The following SPON1 variants were observed in gnomAD, a reference collection of about 807,000 sequenced individuals.
The protein encoded by SPON1 is spondin 1.
In SPON1, 52 loss-of-function variants were observed where a neutral mutation model predicts 111.7. The ratio of observed to expected loss-of-function variants is 0.47; its 90% CI spans 0.37 to 0.59. The LOEUF (loss-of-function observed/expected upper bound fraction) is 0.59, where lower values mean the gene tolerates loss of function less well. Among genes scored for constraint, SPON1 ranks in the 20% least tolerant of loss-of-function variants. SPON1 has a pLI of 0.00. For synonymous variants in SPON1, 410 were observed against 395.8 expected, an observed-to-expected ratio of 1.04 and a Z score of -0.43; for missense variants, 957 against 1,068.5, an observed-to-expected ratio of 0.90 and a Z score of 1.46.
chr11:14,155,441 T>C (rs540408321), intron 6 of SPON1, among the ~76,000 whole-genome samples: 10 of 152,142 alleles, frequency 6.6e-5, no homozygotes, highest in Non-Finnish European at 1.3e-4. Context: ...ATGTCCTACA[T>C]GGCTGGAGCA....
chr11:14,006,779 G>A (rs1177306313), intron 2 of SPON1, among the ~76,000 whole-genome samples: 1 of 152,098 alleles, frequency 6.6e-6, no homozygotes, highest in African/African-American at 2.4e-5. Flanking sequence ...TCTCTTCTTT[G>A]TGCTTACACC....
chr11:14,173,898 C>A (rs1284319546), intron 6 of SPON1, among the ~76,000 whole-genome samples: 1 of 137,872 alleles, frequency 7.3e-6, no homozygotes, highest in African/African-American at 2.8e-5. Flanking sequence ...TCAGTTCACC[C>A]CGTAGGGGAT....
chr11:14,088,342 C>G (rs1849023140), intron 5 of SPON1, among the ~76,000 whole-genome samples: 1 of 152,186 alleles, frequency 6.6e-6, no homozygotes, highest in Non-Finnish European at 1.5e-5. Context: ...CAAAATCCCT[C>G]AGCATTTGCT....
intron 5 of SPON1, among the ~76,000 whole-genome samples, chr11:14,108,238 G>A (rs986972551): frequency 1.4e-4 from 21 of 152,294 alleles, no homozygotes; most frequent in African/African-American, 4.3e-4. Context: ...AAAATGAGAC[G>A]ATGTATAAAT....
At chr11:14,179,077 G>C (rs1199310130) in intron 6 of SPON1, among the ~76,000 whole-genome samples, 1 of 152,106 alleles carries the variant, frequency 6.6e-6, no homozygotes, top group Non-Finnish European at 1.5e-5. Context: ...GGGTATGGTG[G>C]TCTCTATTTG....
At chr11:14,214,863 G>T (rs551169024) in intron 6 of SPON1, among the ~76,000 whole-genome samples, 1 of 152,278 alleles carries the variant, frequency 6.6e-6, no homozygotes, top group Non-Finnish European at 1.5e-5. Flanking sequence ...GGATGTGTTT[G>T]TTAGAATACT....
At chr11:14,234,392 G>A (rs574298283) in intron 6 of SPON1, among the ~76,000 whole-genome samples, 1 of 152,316 alleles carries the variant, frequency 6.6e-6, no homozygotes, top group African/African-American at 2.4e-5. Flanking sequence ...AGCAGGTCCT[G>A]GGGGCTGGTG....
At chr11:14,012,143 C>T (rs1848410225) in intron 2 of SPON1, among the ~76,000 whole-genome samples, 2 of 152,154 alleles carry the variant, frequency 1.3e-5, no homozygotes, top group Admixed American at 6.5e-5. Context: ...GACACTTTAT[C>T]TCCTCTTTAC....
intron 6 of SPON1, among the ~76,000 whole-genome samples, chr11:14,171,943 TG>T (rs1243944339): frequency 6.6e-6 from 1 of 152,232 alleles, no homozygotes; most frequent in Admixed American, 6.5e-5. Context: ...AAGTGTGGTG[TG>T]GTGCTGAAAA....
intron 5 of SPON1, among the ~76,000 whole-genome samples, chr11:14,102,324 AAT>A (rs1554924457): frequency 5.3e-5 from 8 of 152,246 alleles, no homozygotes; most frequent in Non-Finnish European, 1.5e-5. Context: ...AAGTGCAATT[AAT>A]TTTAATGTTC....
chr11:14,052,596 G>T (rs573063405), intron 3 of SPON1, among the ~76,000 whole-genome samples: 1 of 152,314 alleles, frequency 6.6e-6, no homozygotes, highest in East Asian at 1.9e-4. Flanking sequence ...TCTTGGGAGA[G>T]CAGTTGGAAA....
intron 3 of SPON1, 62 bp from the exon 4 acceptor site, chr11:14,075,283 G>C (rs782743162): frequency 2.6e-5 from 34 of 1,296,810 alleles, no homozygotes; most frequent in Non-Finnish European, 3.4e-5. Context: ...ATGTCTGACT[G>C]ATCTCCCAAA....
At chr11:14,123,627 T>C (rs1847422322) in intron 5 of SPON1, among the ~76,000 whole-genome samples, 2 of 152,180 alleles carry the variant, frequency 1.3e-5, no homozygotes, top group Admixed American at 6.6e-5. Context: ...AAGCTTAGTG[T>C]TTGGTCAAAG....
chr11:13,997,948 T>G (rs1848286351), intron 2 of SPON1, among the ~76,000 whole-genome samples: 1 of 152,172 alleles, frequency 6.6e-6, no homozygotes, highest in Admixed American at 6.5e-5. Context: ...TAGATACTAT[T>G]CTAGTTGCTT....
chr11:14,116,886 T>A (rs782012001), intron 5 of SPON1, among the ~76,000 whole-genome samples: 1 of 152,202 alleles, frequency 6.6e-6, no homozygotes, highest in Non-Finnish European at 1.5e-5. Flanking sequence ...GTTCTCTCAA[T>A]AATGTTTTAT....
intron 1 of SPON1, among the ~76,000 whole-genome samples, chr11:13,981,400 T>C (rs545427877): frequency 5.9e-5 from 9 of 152,232 alleles, no homozygotes; most frequent in African/African-American, 2.2e-4. Context: ...AATCGCGGCT[T>C]ACTGCAAGCT....
Position 14,265,877 on chromosome 11 carries a change from G to A in SPON1, c.*190G>A. On this transcript the variant is annotated 3_prime_UTR_variant, in exon 16 of 16. Transcript: ENST00000576479. ...TCTTGATGGGTACAGGCTGAGTGGG[G>A]CGCCCTCACCTCCAGCCAGCCTCTT... The A allele has an allele frequency of 3.3e-6, 2 of 608,026 alleles. No individual in the cohort carries two copies. The highest frequency in any genetic ancestry group is 6.5e-5 in the East Asian group (2 of 30,918). 37.7% of individuals were successfully genotyped at this position (608,026 alleles called of 1,614,324 possible). A position where few individuals can be genotyped will look rare whatever the true frequency, so the allele number is the denominator to read the frequency against.
At chr11:14,060,946 T>TAAAA (rs5789819) in intron 3 of SPON1, among the ~76,000 whole-genome samples, 26 of 150,828 alleles carry the variant, frequency 1.7e-4, no homozygotes, top group Admixed American at 2.6e-4. Context: ...TCTAGTTTGG[T>TAAAA]AAAAAAAAAG....
At chr11:14,018,641 C>G (rs1234674801) in intron 2 of SPON1, among the ~76,000 whole-genome samples, 1 of 152,128 alleles carries the variant, frequency 6.6e-6, no homozygotes, top group African/African-American at 2.4e-5. Context: ...ATCTGCAGAG[C>G]ATGCTGGGAG....
Sources: gnomAD v4.1 joint callset for allele counts (sites outside exome capture counted in the v4.1 genomes callset) on GRCh38, gnomAD v4.1.1 for gene constraint, MANE v1.5 for transcripts, NCBI Gene and HGNC (gene_info 2026-07-23, HGNC 2026-07-21) for gene names.